The following HS6ST2 variants were observed in gnomAD, a reference collection of about 807,000 sequenced individuals.
HS6ST2 encodes the protein heparan sulfate 6-O-sulfotransferase 2, also known as heparan-sulfate 6-O-sulfotransferase 2.
Under a neutral mutation model 33.0 loss-of-function variants are expected in HS6ST2, and 17 were observed. The ratio of observed to expected loss-of-function variants is 0.52; its 90% CI spans 0.35 to 0.77. The LOEUF (loss-of-function observed/expected upper bound fraction) is 0.77. Among genes scored for constraint, HS6ST2 ranks in the 30% least tolerant of loss-of-function variants. The pLI, the probability that HS6ST2 is intolerant of heterozygous loss-of-function variation, is 0.01. For missense variants in HS6ST2, 519 were observed against 551.7 expected (o/e 0.94, Z 0.59); for synonymous variants, 248 against 237.1 (o/e 1.05, Z -0.42).
At chrX:132,689,515 C>T (rs893948471) in intron 3 of HS6ST2, among the ~76,000 whole-genome samples, 2 of 111,850 alleles carry the variant, frequency 1.8e-5, no homozygotes, top group African/African-American at 6.5e-5. Context: ...AAAAATTCCC[C>T]TTAATCTCAT....
intron 2 of HS6ST2, among the ~76,000 whole-genome samples, chrX:132,852,116 G>A (rs2065808678): frequency 9.0e-6 from 1 of 111,214 alleles, no homozygotes; most frequent in South Asian, 3.8e-4. Context: ...CTCCAGCCTG[G>A]GCAACAGAGT....
rs762357156 is a variant in HS6ST2, at chrX:132,677,372, A to G, written c.981-8173T>C. On this transcript the variant is annotated intron_variant, in intron 3 of 4. Coordinates refer to ENST00000370833, the MANE Select transcript of HS6ST2 (RefSeq NM_001394073.1). The stretch of plus-strand genomic sequence containing the variant: ...ACCACTTTGTTTCACTTTCTACTTA[A>G]TATGTTCTTATGGGATTTTCAAGAA... Among the ~76,000 whole-genome samples, 5 of 111,783 alleles carry G rather than the reference A, an allele frequency of 4.5e-5. No individual in the cohort carries two copies. The East Asian group carries it at 1.4e-3, about 32-fold the overall frequency.
intron 2 of HS6ST2, among the ~76,000 whole-genome samples, chrX:132,769,882 T>C (rs1014251831): frequency 8.9e-6 from 1 of 112,263 alleles, no homozygotes; most frequent in Non-Finnish European, 1.9e-5. Context: ...CGAGACTCAC[T>C]TTCTCTGAGA....
chrX:132,714,473 C>T (rs534397236), intron 2 of HS6ST2, among the ~76,000 whole-genome samples: 5 of 110,625 alleles, frequency 4.5e-5, no homozygotes, highest in African/African-American at 6.6e-5. Flanking sequence ...CCACCACACC[C>T]GGCTAATTTT....
At chrX:132,859,436 C>T (rs994945830) in intron 2 of HS6ST2, among the ~76,000 whole-genome samples, 1 of 110,789 alleles carries the variant, frequency 9.0e-6, no homozygotes, top group Non-Finnish European at 1.9e-5. Context: ...ATGCAGGATA[C>T]ATGCACTCGA....
intron 2 of HS6ST2, among the ~76,000 whole-genome samples, chrX:132,761,434 G>A (rs1569487998): frequency 9.0e-6 from 1 of 111,154 alleles, no homozygotes; most frequent in Admixed American, 9.6e-5. Flanking sequence ...CCCAGCAGGG[G>A]GCGAGCCAGC....
At chrX:132,947,010 C>A (rs576034102) in intron 2 of HS6ST2, among the ~76,000 whole-genome samples, 1 of 111,550 alleles carries the variant, frequency 9.0e-6, no homozygotes, top group African/African-American at 3.3e-5. Context: ...AAACTACTAA[C>A]GTTCCTTCAC....
At chrX:132,728,479 G>A (rs2064419622) in intron 2 of HS6ST2, among the ~76,000 whole-genome samples, 1 of 111,716 alleles carries the variant, frequency 9.0e-6, no homozygotes, top group African/African-American at 3.3e-5. Flanking sequence ...AGCTCTGAGA[G>A]TACTTCTGCG....
chrX:132,953,755 C>G (rs757238988), intron 2 of HS6ST2, among the ~76,000 whole-genome samples: 5 of 112,416 alleles, frequency 4.4e-5, no homozygotes, highest in Non-Finnish European at 9.4e-5. Flanking sequence ...CCGTTCTTCT[C>G]CCAATGGGTG....
At chrX:132,870,518 T>G (rs947034194) in intron 2 of HS6ST2, among the ~76,000 whole-genome samples, 4 of 111,547 alleles carry the variant, frequency 3.6e-5, no homozygotes, top group Non-Finnish European at 7.5e-5. Flanking sequence ...CTTCAAACTA[T>G]ACTATAAGGC....
intron 2 of HS6ST2, among the ~76,000 whole-genome samples, chrX:132,956,021 G>A (rs73562259): frequency 0.013 from 1,386 of 110,853 alleles, 27 homozygotes; most frequent in African/African-American, 0.044. Flanking sequence ...GGTCCGCGGG[G>A]TGCCCCCCGC....
At chrX:132,848,959 G>T (rs1167240984) in intron 2 of HS6ST2, among the ~76,000 whole-genome samples, 1 of 111,384 alleles carries the variant, frequency 9.0e-6, no homozygotes, top group Non-Finnish European at 1.9e-5. Flanking sequence ...TTGTCCTTGA[G>T]CTAGTAAAAA....
chrX:132,721,071 C>G (rs765898066), intron 2 of HS6ST2, among the ~76,000 whole-genome samples: 28 of 111,681 alleles, frequency 2.5e-4, no homozygotes, highest in Non-Finnish European at 5.1e-4. Context: ...GCACTATAGA[C>G]TAAATGGATC....
At chrX:132,720,389 C>A (rs1243650953) in intron 2 of HS6ST2, among the ~76,000 whole-genome samples, 1 of 110,883 alleles carries the variant, frequency 9.0e-6, no homozygotes, top group Non-Finnish European at 1.9e-5. Context: ...AACTGCCCAA[C>A]AGTTGGCAGT....
chrX:132,753,585 G>T (rs1289548481), intron 2 of HS6ST2, among the ~76,000 whole-genome samples: 2 of 112,145 alleles, frequency 1.8e-5, no homozygotes, highest in African/African-American at 6.5e-5. Context: ...CTTCTGCCAC[G>T]ACTGTGAGAC....
chrX:132,759,662 T>C (rs1602647161), intron 2 of HS6ST2, among the ~76,000 whole-genome samples: 1 of 111,615 alleles, frequency 9.0e-6, no homozygotes, highest in African/African-American at 3.3e-5. Flanking sequence ...TGTTATGTTA[T>C]GTGAATTTCA....
At chrX:132,645,419 G>A (rs745792152) in intron 4 of HS6ST2, among the ~76,000 whole-genome samples, 2 of 112,706 alleles carry the variant, frequency 1.8e-5, no homozygotes, top group South Asian at 7.4e-4. Context: ...TTAAAATGAG[G>A]TCTTTTGGTG....
intron 2 of HS6ST2, among the ~76,000 whole-genome samples, chrX:132,845,016 TAG>T (rs2148402011): frequency 9.2e-6 from 1 of 109,119 alleles, no homozygotes; most frequent in South Asian, 4.0e-4. Flanking sequence ...GGTGCTGTGA[TAG>T]AGTCTCTCTA....
chrX:132,834,314 C>T (rs1275337121), intron 2 of HS6ST2, among the ~76,000 whole-genome samples: 1 of 112,273 alleles, frequency 8.9e-6, no homozygotes, highest in African/African-American at 3.2e-5. Flanking sequence ...TACAGTTAAA[C>T]AAACTGAGGC....
Sources: allele counts gnomAD v4.1 joint callset (sites outside exome capture counted in the v4.1 genomes callset), GRCh38; gene constraint gnomAD v4.1.1; transcripts MANE v1.5; gene names NCBI Gene and HGNC (gene_info 2026-07-23, HGNC 2026-07-21).